CDK19: variants seen among roughly 807,000 people sequenced by gnomAD.
The protein encoded by CDK19 is cyclin dependent kinase 19.
A neutral mutation model predicts 68.3 loss-of-function variants in CDK19; 20 were observed. That is an observed-to-expected ratio of 0.29 (90% CI 0.21 to 0.43). The LOEUF (loss-of-function observed/expected upper bound fraction) is 0.43. CDK19 is among the 20% of genes least tolerant of loss of function. CDK19 has a pLI of 1.00. For missense variants in CDK19, 339 were observed against 623.5 expected, an observed-to-expected ratio of 0.54 and a Z score of 4.86; for synonymous variants, 221 against 222.8, an observed-to-expected ratio of 0.99 and a Z score of 0.07.
chr6:110,722,545 A>T (rs1775980767), intron 2 of CDK19, among the ~76,000 whole-genome samples: 1 of 151,992 alleles, frequency 6.6e-6, no homozygotes, highest in African/African-American at 2.4e-5. Flanking sequence ...TTTAAAAAAA[A>T]AAAAAAAAGT....
intron 1 of CDK19, among the ~76,000 whole-genome samples, chr6:110,812,570 T>G (rs898268029): frequency 6.6e-6 from 1 of 152,222 alleles, no homozygotes; most frequent in East Asian, 1.9e-4. Context: ...ACTTTTCTAA[T>G]GATATTTTAT....
chr6:110,659,129 G>A (rs940855125), intron 4 of CDK19, among the ~76,000 whole-genome samples: 1 of 152,202 alleles, frequency 6.6e-6, no homozygotes, highest in East Asian at 1.9e-4. Context: ...CAAAATGCTG[G>A]CATAATGGTT....
intron 9 of CDK19, 144 bp from the exon 10 acceptor site, chr6:110,623,056 A>C (rs1339570864): frequency 3.0e-6 from 2 of 676,902 alleles, no homozygotes; most frequent in African/African-American, 3.6e-5. Flanking sequence ...ACATACTTTT[A>C]TGTGAAATTG....
At chr6:110,813,247 C>T (rs1267866650) in intron 1 of CDK19, 2 of 151,954 alleles carry the variant, frequency 1.3e-5, no homozygotes, top group Non-Finnish European at 2.9e-5. Flanking sequence ...TAAGCCCATA[C>T]TATTCAAATA....
intron 1 of CDK19, among the ~76,000 whole-genome samples, chr6:110,747,981 A>G (rs1478086196): frequency 6.6e-6 from 1 of 152,250 alleles, no homozygotes; most frequent in Admixed American, 6.5e-5. Context: ...TAAATTTTAT[A>G]CATTTAATAA....
chr6:110,625,022 G>A (rs1778999289), intron 8 of CDK19, among the ~76,000 whole-genome samples: 1 of 152,192 alleles, frequency 6.6e-6, no homozygotes, highest in Admixed American at 6.5e-5. Flanking sequence ...TGGTATATAA[G>A]AAGTACTCAT....
chr6:110,754,487 T>A (rs1778695859), intron 1 of CDK19, among the ~76,000 whole-genome samples: 1 of 151,890 alleles, frequency 6.6e-6, no homozygotes, highest in Non-Finnish European at 1.5e-5. Flanking sequence ...TAAACTAATT[T>A]TTTTTTTTTT....
rs187493296 is a variant in CDK19 at position 110,626,777 on chromosome 6, T to C, written c.859A>G (p.Thr287Ala). The C allele has an allele frequency of 6.4e-7, 1 of 1,552,500 alleles. No individual in the cohort carries two copies. The highest frequency in any genetic ancestry group is 2.3e-5 in the East Asian group (1 of 44,250). ...PTLQKDFRRT[T>A]YANSSLIKYM... is the part of the protein sequence containing the mutation. ...CTAAGACTGTGTGGAATTACTTACG[T>C]TGTTCTTCTAAAGTCTTTTTGAAGT... Residue 287 changes from threonine (T) to alanine (A), a missense_variant and splice_region_variant, in exon 8 of 13, where the codon ACG becomes GCG. By Grantham distance (58) the Thr-to-Ala change is moderately conservative. Coordinates refer to ENST00000368911, the MANE Select transcript of CDK19 (RefSeq NM_015076.5).
intron 1 of CDK19, among the ~76,000 whole-genome samples, chr6:110,768,306 C>T (rs2114981865): frequency 6.6e-6 from 1 of 152,316 alleles, no homozygotes; most frequent in South Asian, 2.1e-4. Flanking sequence ...CAAAGTAGTA[C>T]AGCCACTTTG....
intron 2 of CDK19, among the ~76,000 whole-genome samples, chr6:110,728,125 T>C (rs1371770338): frequency 6.6e-6 from 1 of 151,656 alleles, no homozygotes; most frequent in Non-Finnish European, 1.5e-5. Flanking sequence ...CTGTCTCTAC[T>C]AAAAATACAA....
rs114777008 is a variant in CDK19, at chr6:110,682,816, T to C, written c.205-12275A>G. On this transcript the variant is annotated intron_variant, in intron 2 of 12. Coordinates refer to ENST00000368911, the MANE Select transcript of CDK19 (RefSeq NM_015076.5). ...AACTCTTCTGAATCTCATAGAAGAATAAGATGTCTACTTACAAACATAAAC... is the reference window on the plus strand; with the variant it reads ...AACTCTTCTGAATCTCATAGAAGAACAAGATGTCTACTTACAAACATAAAC... Among the ~76,000 whole-genome samples the C allele has an allele frequency of 4.7e-3, 718 of 151,410 alleles. 7 individuals carry two copies. The highest frequency in any genetic ancestry group is 0.017 in the African/African-American group (689 of 41,388).
chr6:110,646,070 C>T, intron 4 of CDK19: 1 of 859,532 alleles, frequency 1.2e-6, no homozygotes. Flanking sequence ...CAGGCATGGG[C>T]GACCTGCTGC....
intron 1 of CDK19, among the ~76,000 whole-genome samples, chr6:110,766,602 C>A (rs1779605475): frequency 6.6e-6 from 1 of 152,030 alleles, no homozygotes; most frequent in African/African-American, 2.4e-5. Context: ...AAAAAGAAAT[C>A]CTGTCATTTG....
At chr6:110,679,460 A>C (rs893295789) in intron 2 of CDK19, among the ~76,000 whole-genome samples, 4 of 152,102 alleles carry the variant, frequency 2.6e-5, no homozygotes, top group African/African-American at 9.7e-5. Flanking sequence ...TAAAATACAA[A>C]AATTAGCCAG....
chr6:110,625,785 C>T (rs902058396), intron 8 of CDK19, among the ~76,000 whole-genome samples: 4 of 151,960 alleles, frequency 2.6e-5, no homozygotes, highest in Non-Finnish European at 4.4e-5. Context: ...GGCAAAGGAC[C>T]CCACCAAGGA....
intron 2 of CDK19, among the ~76,000 whole-genome samples, chr6:110,740,660 T>C (rs1777589201): frequency 6.6e-6 from 1 of 152,262 alleles, no homozygotes; most frequent in South Asian, 2.1e-4. Flanking sequence ...TCTGCAATCA[T>C]AGTCCCAAGT....
At chr6:110,782,051 C>T (rs1019616213) in intron 1 of CDK19, among the ~76,000 whole-genome samples, 1 of 152,136 alleles carries the variant, frequency 6.6e-6, no homozygotes, top group African/African-American at 2.4e-5. Context: ...AAGAAATCTG[C>T]TATACTCAAC....
chr6:110,692,196 A>G (rs1232357393), intron 2 of CDK19, among the ~76,000 whole-genome samples: 1 of 151,616 alleles, frequency 6.6e-6, no homozygotes, highest in East Asian at 2.0e-4. Context: ...AGTGAGGCTG[A>G]GGCAGGAGAA....
At chr6:110,670,172 C>G (rs1447854974) in intron 3 of CDK19, among the ~76,000 whole-genome samples, 1 of 148,648 alleles carries the variant, frequency 6.7e-6, no homozygotes, top group Non-Finnish European at 1.5e-5. Flanking sequence ...TCGTCTCCCC[C>G]GGGCCAAAAA....
Sources: allele counts gnomAD v4.1 joint callset (sites outside exome capture counted in the v4.1 genomes callset), GRCh38; gene constraint gnomAD v4.1.1; transcripts MANE v1.5; gene names NCBI Gene and HGNC (gene_info 2026-07-23, HGNC 2026-07-21).